Variants in ZMPSTE24 observed in about 807,000 individuals in gnomAD.
ZMPSTE24 encodes CAAX prenyl protease 1 homolog.
Under a neutral mutation model 56.7 loss-of-function variants are expected in ZMPSTE24, and 48 were observed. The ratio of observed to expected loss-of-function variants is 0.85; its 90% CI spans 0.67 to 1.08. The LOEUF (loss-of-function observed/expected upper bound fraction) is 1.08, where lower values mean the gene tolerates loss of function less well. Among genes scored for constraint, ZMPSTE24 ranks in the 50% least tolerant of loss-of-function variants. The pLI is 0.00. For missense variants in ZMPSTE24, 503 were observed against 548.7 expected, an observed-to-expected ratio of 0.92 and a Z score of 0.83; for synonymous variants, 172 against 195.2, an observed-to-expected ratio of 0.88 and a Z score of 0.99.
At chr1:40,275,356 C>T (rs879462542) in intron 6 of ZMPSTE24, among the ~76,000 whole-genome samples, 26 of 150,790 alleles carry the variant, frequency 1.7e-4, no homozygotes, top group South Asian at 4.2e-4. Context: ...ATTGCTTGAA[C>T]CCAGGAGGCG....
At chr1:40,276,916 G>A (rs1056939154) in intron 6 of ZMPSTE24, among the ~76,000 whole-genome samples, 1 of 152,102 alleles carries the variant, frequency 6.6e-6, no homozygotes, top group African/African-American at 2.4e-5. Flanking sequence ...ACAACATTAC[G>A]GTGGCTATGA....
chr1:40,275,819 G>A (rs12144229), intron 6 of ZMPSTE24, among the ~76,000 whole-genome samples: 37,445 of 149,908 alleles, frequency 0.25, 4,776 homozygotes, highest in Non-Finnish European at 0.26. Context: ...TTAAGTTTAC[G>A]AAGCTCAGAA....
chr1:40,270,145 T>G lies in ZMPSTE24; in HGVS notation c.627+18T>G, dbSNP rs16827109. 158,376 of 1,613,024 alleles carry G rather than the reference T, an allele frequency of 0.098. 8,239 individuals are homozygous for G. Among genetic ancestry groups the G allele is most frequent in the South Asian group, 0.15 (13,401 of 91,044 alleles). On this transcript the variant is annotated intron_variant, in intron 5 of 9. Transcript: ENST00000372759. ...TGTCTCTGGTGAGTAAAATCTTTAT[T>G]TCGTTTTCTTTTGCAAAAGTTCCTT...
rs1643852887 is a variant in ZMPSTE24, at chr1:40,292,453, T to C, written c.1212T>C (p.Ser404=). ...TTCATTTTCTTTTTCAGGTTCTTTC[T>C]TTTTGCCTAACAGTCCTAAGCCGCA... is the stretch of plus-strand genomic sequence containing the variant. ...FIFSPYNEVL[S]FCLTVLSRRF... Residue 404 remains serine, a synonymous_variant, in exon 10 of 10, where the codon TCT becomes TCC. Transcript: ENST00000372759. 1 of 1,613,752 alleles carries C rather than the reference T, an allele frequency of 6.2e-7. No homozygotes were observed. Among genetic ancestry groups the C allele is most frequent in the East Asian group, 2.2e-5 (1 of 44,876 alleles).
chr1:40,278,359 C>T (rs1643691248), intron 6 of ZMPSTE24, among the ~76,000 whole-genome samples: 1 of 151,652 alleles, frequency 6.6e-6, no homozygotes, highest in African/African-American at 2.4e-5. Flanking sequence ...GAGATCGAGA[C>T]CATCCTGGCT....
Position 40,293,853 on chromosome 1 carries a change from TCTCA to T in ZMPSTE24, c.*1191_*1194del, listed in dbSNP as rs1643864287. The T allele has an allele frequency of 6.6e-6, 1 of 152,246 alleles. No individual in the cohort carries two copies. Among genetic ancestry groups the T allele is most frequent in the South Asian group, 2.1e-4 (1 of 4,828 alleles). The allele number at this position is 152,246 out of a possible 1,614,324, so 9.4% of individuals were successfully genotyped here. A position where few individuals can be genotyped will look rare whatever the true frequency, so the allele number is the denominator to read the frequency against. On this transcript the variant is annotated 3_prime_UTR_variant, in exon 10 of 10. Coordinates refer to ENST00000372759, the MANE Select transcript of ZMPSTE24 (RefSeq NM_005857.5). The stretch of plus-strand genomic sequence containing the variant: ...TGAGAACTTATTTTGTGCCTAGAGC[TCTCA>T]CTCACTGATAATGCTTATTACCTTC...
chr1:40,273,469 A>T (rs1471353381), intron 6 of ZMPSTE24, among the ~76,000 whole-genome samples: 1 of 141,572 alleles, frequency 7.1e-6, no homozygotes, highest in African/African-American at 2.7e-5. Flanking sequence ...GTGAGCCAAG[A>T]TCAAGCCATT....
At chr1:40,285,856 A>G (rs1162584987) in intron 7 of ZMPSTE24, 69 bp from the exon 8 acceptor site, 1 of 1,253,486 alleles carries the variant, frequency 8.0e-7, no homozygotes, top group Non-Finnish European at 1.1e-6. Context: ...ATGAAGGGCT[A>G]TTACTGGGTT....
intron 2 of ZMPSTE24, among the ~76,000 whole-genome samples, chr1:40,261,853 G>A (rs1383928563): frequency 1.3e-5 from 2 of 152,140 alleles, no homozygotes; most frequent in African/African-American, 2.4e-5. Flanking sequence ...GGGACTACAG[G>A]CGCGTGCCAC....
chr1:40,272,944 A>G (rs1046217917), intron 6 of ZMPSTE24, among the ~76,000 whole-genome samples: 13 of 152,234 alleles, frequency 8.5e-5, no homozygotes, highest in Admixed American at 1.3e-4. Flanking sequence ...CTCTGTTGCA[A>G]CTATTCAGTG....
chr1:40,278,474 C>T (rs1007192148), intron 6 of ZMPSTE24, among the ~76,000 whole-genome samples: 11 of 132,554 alleles, frequency 8.3e-5, no homozygotes, highest in Non-Finnish European at 1.2e-4. Context: ...AGGAGAATGG[C>T]GTGAACCCGG....
chr1:40,268,774 A>G (rs1308183803), intron 4 of ZMPSTE24, among the ~76,000 whole-genome samples: 1 of 152,008 alleles, frequency 6.6e-6, no homozygotes, highest in African/African-American at 2.4e-5. Flanking sequence ...GTCAACACTG[A>G]TTTTAAAAAA....
chr1:40,260,055 C>CTTTT (rs11383054), intron 1 of ZMPSTE24, among the ~76,000 whole-genome samples: 7 of 84,360 alleles, frequency 8.3e-5, no homozygotes, highest in African/African-American at 1.6e-4. Context: ...GATCTTTCTC[C>CTTTT]TTTTTTTTTT....
At chr1:40,291,029 A>G (rs778587217) in intron 9 of ZMPSTE24, 32 bp downstream of exon 9, 1 of 1,611,488 alleles carries the variant, frequency 6.2e-7, no homozygotes, top group South Asian at 1.1e-5. Flanking sequence ...TATCACACAT[A>G]TGCTCTTGCC....
intron 6 of ZMPSTE24, among the ~76,000 whole-genome samples, chr1:40,272,942 C>T (rs937000845): frequency 6.6e-6 from 1 of 152,162 alleles, no homozygotes; most frequent in African/African-American, 2.4e-5. Context: ...TTCTCTGTTG[C>T]AACTATTCAG....
chr1:40,273,105 G>T (rs1278743514), intron 6 of ZMPSTE24, among the ~76,000 whole-genome samples: 1 of 152,198 alleles, frequency 6.6e-6, no homozygotes, highest in Non-Finnish European at 1.5e-5. Context: ...AATATTACCA[G>T]TGAGAAGCAG....
chr1:40,278,585 A>AAAAAAAAAAAAAAAT (rs1643695770), intron 6 of ZMPSTE24, among the ~76,000 whole-genome samples: 1 of 148,196 alleles, frequency 6.7e-6, no homozygotes, highest in Admixed American at 6.8e-5. Context: ...AAAAAAAAAA[A>AAAAAAAAAAAAAAAT]AGAATATCTC....
In ZMPSTE24 at chr1:40,258,404, G is replaced by A. The variant is rs1176178255; in HGVS notation, c.123+10G>A. ...CCTAGCACAGCGGCAGGTGAGCCTA[G>A]ACAGGGTCCAACCTGACCCCCATAC... On this transcript the variant is annotated intron_variant, in intron 1 of 9. Transcript: ENST00000372759. 1 of 1,613,940 alleles carries A rather than the reference G, an allele frequency of 6.2e-7. No homozygotes were observed. Among genetic ancestry groups the A allele is most frequent in the East Asian group, 2.2e-5 (1 of 44,874 alleles).
In ZMPSTE24 at chr1:40,262,792, T is replaced by A. The variant is rs979024364; in HGVS notation, c.270+1807T>A. The A allele has an allele frequency of 2.2e-5, 26 of 1,178,252 alleles. No homozygotes were observed. The East Asian group carries it at 4.2e-4, about 19-fold the overall frequency. The allele number at this position is 1,178,252 out of a possible 1,614,324, so 73.0% of individuals were successfully genotyped here. A position where few individuals can be genotyped will look rare whatever the true frequency, so the allele number is the denominator to read the frequency against. On this transcript the variant is annotated intron_variant, in intron 2 of 9. Coordinates refer to ENST00000372759, the MANE Select transcript of ZMPSTE24 (RefSeq NM_005857.5). ...GCAGTTGATGTCTGACGGCTGAGTT[T>A]TGCTGTTTTGTCAACTGACATTTCC... is the stretch of plus-strand genomic sequence containing the variant.
Sources: gnomAD v4.1 joint callset for allele counts (sites outside exome capture counted in the v4.1 genomes callset) on GRCh38, gnomAD v4.1.1 for gene constraint, MANE v1.5 for transcripts, NCBI Gene and HGNC (gene_info 2026-07-23, HGNC 2026-07-21) for gene names.